CCDC74B: variants seen among roughly 807,000 people sequenced by gnomAD.
CCDC74B encodes coiled-coil domain-containing protein 74B.
A neutral mutation model predicts 38.0 loss-of-function variants in CCDC74B; 34 were observed. That is an observed-to-expected ratio of 0.89 (90% CI 0.68 to 1.19). The LOEUF is 1.19. Among genes scored for constraint, CCDC74B ranks in the 50% most tolerant of loss-of-function variants. CCDC74B has a pLI of 0.00. For missense variants in CCDC74B, 358 were observed against 406.0 expected (o/e 0.88, Z 1.02); for synonymous variants, 132 against 170.4 (o/e 0.77, Z 1.76).
Position 130,139,653 on chromosome 2 carries a change from G to T in CCDC74B, c.847C>A (p.Leu283Met), listed in dbSNP as rs1261210485. 1.2e-6 allele frequency: 2 copies of T among 1,613,190 alleles called. No individual in the cohort carries two copies. The highest frequency in any genetic ancestry group is 1.7e-6 in the Non-Finnish European group (2 of 1,179,984). ...LSPPVAERAILPALKQTPKNN... is the reference protein window; with the variant it reads ...LSPPVAERAIMPALKQTPKNN... ...TTCGGGGTCTGCTTCAGTGCGGGCA[G>T]GATGGCACGCTCCGCCACAGGTGGG... is the stretch of plus-strand genomic sequence containing the variant. Residue 283 changes from leucine to methionine, a missense_variant, in exon 8 of 8, where the codon CTG becomes ATG. By Grantham distance (15) the Leu-to-Met change is conservative (BLOSUM62 2). Transcript: ENST00000409943.
In CCDC74B at chr2:130,139,551, T is replaced by C; in HGVS notation, c.*4A>G. The C allele has an allele frequency of 6.2e-7, 1 of 1,613,356 alleles. No individual in the cohort carries two copies. Among genetic ancestry groups the C allele is most frequent in the South Asian group, 1.1e-5 (1 of 91,066 alleles). ...GGGCCTGGCACTGACCAGATGCGGGTAGCTCAAAGCACCGAGCGATGCAGG... is the reference window on the plus strand; with the variant it reads ...GGGCCTGGCACTGACCAGATGCGGGCAGCTCAAAGCACCGAGCGATGCAGG... On this transcript the variant is annotated 3_prime_UTR_variant, in exon 8 of 8. Transcript: ENST00000409943.
chr2:130,142,213 C>T, intron 2 of CCDC74B, 30 bp from the exon 3 acceptor site: 1 of 1,607,946 alleles, frequency 6.2e-7, no homozygotes. Context: ...GTCGGCGCTA[C>T]CGCCCGCAAG....
chr2:130,139,772 G>T (rs1333979944), intron 7 of CCDC74B, 82 bp from the exon 8 acceptor site: 9 of 1,606,600 alleles, frequency 5.6e-6, no homozygotes, highest in Non-Finnish European at 7.7e-6. Flanking sequence ...TGGCCCTCAC[G>T]GGGGCACAGA....
At chr2:130,144,186 CT>C in intron 1 of CCDC74B, among the ~76,000 whole-genome samples, 1 of 152,318 alleles carries the variant, frequency 6.6e-6, no homozygotes, top group South Asian at 2.1e-4. Context: ...GTCACCGAGG[CT>C]GGAGTGCAGT....
At chr2:130,144,261 T>A in intron 1 of CCDC74B, 1 of 395,038 alleles carries the variant, frequency 2.5e-6, no homozygotes, top group Non-Finnish European at 4.9e-6. Flanking sequence ...TGCCTCAGCC[T>A]CCCGAGTAGC....
At chr2:130,143,100 A>T (rs1242451456) in intron 2 of CCDC74B, 169 bp downstream of exon 2, 1 of 1,492,010 alleles carries the variant, frequency 6.7e-7, no homozygotes, top group Admixed American at 2.4e-5. Context: ...GCTGCGTAAC[A>T]TCATCCAGCC....
At position 130,140,302 on chromosome 2, in the gene CCDC74B, C is replaced by A. The variant is rs1209365564; in HGVS notation, c.555G>T (p.Gln185His). The part of the protein sequence containing the change: ...CMGNSQHQGR[Q>H]MGAAAHPPMI... ...TTGGGGGGTGTGCCGCCGCCCCCAT[C>A]TGCCTGCCCTGGTGCTGGCTGTTCC... The change falls in exon 5 of 8, where the codon CAG becomes CAT. Residue 185 changes from glutamine to histidine, a missense_variant. Gln to His is a conservative substitution (Grantham distance 24). This residue lies in a region of CCDC74B where 213 missense variants were observed against 212.3 expected (regional missense o/e 1.00). Transcript: ENST00000409943. The A allele has an allele frequency of 1.2e-6, 2 of 1,612,674 alleles. No homozygotes were observed. Among genetic ancestry groups the A allele is most frequent in the East Asian group, 2.2e-5 (1 of 44,878 alleles).
Position 130,139,845 on chromosome 2 carries a change from C to T in CCDC74B, c.809+46G>A, listed in dbSNP as rs376263599. 39 of 1,610,168 alleles carry T rather than the reference C, an allele frequency of 2.4e-5. 2 individuals are homozygous for T. The African/African-American group carries it at 4.0e-4, about 17-fold the overall frequency. On this transcript the variant is annotated intron_variant, in intron 7 of 7. Transcript: ENST00000409943. ...CCCTTCCCCACTCCCTCCCTGGGGC[C>T]CAGGCTGCAGGGCTGCCCCACTGTC...
At chr2:130,143,939 A>G (rs573924819) in intron 1 of CCDC74B, among the ~76,000 whole-genome samples, 16 of 142,306 alleles carry the variant, frequency 1.1e-4, no homozygotes, top group African/African-American at 3.7e-4. Flanking sequence ...AGGGAGGGAG[A>G]AAGGGGGGCG....
chr2:130,145,003 A>T lies in CCDC74B; in HGVS notation c.-7T>A, dbSNP rs533252323. The T allele has an allele frequency of 1.4e-5, 20 of 1,440,418 alleles. No individual in the cohort carries two copies. In the South Asian group the frequency reaches 2.7e-4, roughly 19 times the overall value. The allele number at this position is 1,440,418 out of a possible 1,614,324, so 89.2% of individuals were successfully genotyped here. A position where few individuals can be genotyped will look rare whatever the true frequency, so the allele number is the denominator to read the frequency against. On this transcript the variant is annotated 5_prime_UTR_variant, in exon 1 of 8. It removes an upstream start codon present in the reference 5' UTR. Transcript: ENST00000409943. ...CCACCCCCGCACCGCTCATATCGCC[A>T]TCGCCAGGTACTCTCCCGCTGCCAC...
At chr2:130,143,078 G>A (rs769772985) in intron 2 of CCDC74B, 191 bp downstream of exon 2, 33 of 1,487,784 alleles carry the variant, frequency 2.2e-5, no homozygotes, top group Admixed American at 4.7e-5. Flanking sequence ...AGAGCAGCAC[G>A]TGCTGTGCTT....
At chr2:130,143,138 G>C (rs1685770396) in intron 2 of CCDC74B, 131 bp downstream of exon 2, 3 of 1,533,118 alleles carry the variant, frequency 2.0e-6, no homozygotes, top group South Asian at 1.3e-5. Flanking sequence ...CATCTGTCCA[G>C]GTCCCCCAGA....
At position 130,139,590 on chromosome 2, in the gene CCDC74B, T is replaced by C. The variant is rs758163811; in HGVS notation, c.910A>G (p.Met304Val). Reference sequence around the variant, plus strand: ...GAGCGATGCAGGCGCCGTTTCTGCATTGCCTGCAGCCTCTTCTGCCTCTCG... The same window carrying C: ...GAGCGATGCAGGCGCCGTTTCTGCACTGCCTGCAGCCTCTTCTGCCTCTCG... ...FAERQKRLQA[M>V]QKRRLHRSVL Residue 304 changes from methionine to valine, a missense_variant, in exon 8 of 8, where the codon ATG (methionine) becomes GTG (valine). This residue lies in a region of CCDC74B where 213 missense variants were observed against 212.3 expected (regional missense o/e 1.00). Coordinates refer to ENST00000409943, the MANE Select transcript of CCDC74B (RefSeq NM_001258307.2). The C allele has an allele frequency of 1.9e-6, 3 of 1,613,420 alleles. No individual in the cohort carries two copies. Among genetic ancestry groups the C allele is most frequent in the South Asian group, 2.2e-5 (2 of 91,050 alleles).
intron 7 of CCDC74B, 82 bp downstream of exon 7, chr2:130,139,809 G>T: frequency 6.2e-7 from 1 of 1,609,056 alleles, no homozygotes; most frequent in South Asian, 1.1e-5. Context: ...CCGCTTCTGC[G>T]CTGCCACGCT....
intron 3 of CCDC74B, 197 bp downstream of exon 3, chr2:130,141,936 C>T (rs1685656218): frequency 2.2e-6 from 2 of 923,270 alleles, no homozygotes; most frequent in South Asian, 1.7e-5. Context: ...TGTGACTGGT[C>T]CCTGGTCCTG....
At position 130,139,635 on chromosome 2, in the gene CCDC74B, T is replaced by A. The variant is rs199976091; in HGVS notation, c.865A>T (p.Thr289Ser). 3.7e-6 allele frequency: 6 copies of A among 1,613,396 alleles called. No individual in the cohort carries two copies. The highest frequency in any genetic ancestry group is 5.1e-6 in the Non-Finnish European group (6 of 1,179,968). ...ERAILPALKQTPKNNFAERQK... is the reference protein window; with the variant it reads ...ERAILPALKQSPKNNFAERQK... ...CTCTCGGCAAAGTTGTTCTTCGGGGTCTGCTTCAGTGCGGGCAGGATGGCA... is the reference window on the plus strand; with the variant it reads ...CTCTCGGCAAAGTTGTTCTTCGGGGACTGCTTCAGTGCGGGCAGGATGGCA... The change falls in exon 8 of 8, where the codon ACC becomes TCC. Residue 289 changes from threonine (T) to serine (S), a missense_variant. Coordinates refer to ENST00000409943, the MANE Select transcript of CCDC74B (RefSeq NM_001258307.2).
chr2:130,140,720 T>A, intron 4 of CCDC74B: 1 of 422,514 alleles, frequency 2.4e-6, no homozygotes, highest in Non-Finnish European at 4.2e-6. Context: ...CTGCTGAAAG[T>A]GTGCGCTCTG....
At chr2:130,143,978 T>G in intron 1 of CCDC74B, among the ~76,000 whole-genome samples, 1 of 126,758 alleles carries the variant, frequency 7.9e-6, no homozygotes, top group South Asian at 2.9e-4. Flanking sequence ...AAGGGTGCAG[T>G]TGGGAAGGCC....
rs1196066743 is a variant in CCDC74B, at chr2:130,139,551, T to G, written c.*4A>C. The G allele has an allele frequency of 1.9e-6, 3 of 1,613,356 alleles. No homozygotes were observed. The South Asian group carries it at 3.3e-5, about 18-fold the overall frequency. ...GGGCCTGGCACTGACCAGATGCGGG[T>G]AGCTCAAAGCACCGAGCGATGCAGG... is the stretch of plus-strand genomic sequence containing the variant. On this transcript the variant is annotated 3_prime_UTR_variant, in exon 8 of 8. Coordinates refer to ENST00000409943, the MANE Select transcript of CCDC74B (RefSeq NM_001258307.2).
Sources: allele counts gnomAD v4.1 joint callset (sites outside exome capture counted in the v4.1 genomes callset), GRCh38; gene constraint gnomAD v4.1.1; regional missense constraint gnomAD v4.1.1; transcripts MANE v1.5; gene names NCBI Gene and HGNC (gene_info 2026-07-23, HGNC 2026-07-21).